SOX5: variants seen among roughly 807,000 people sequenced by gnomAD.
SOX5 encodes SRY-box transcription factor 5, also known as transcription factor SOX-5.
In SOX5, 9 loss-of-function variants were observed where a neutral mutation model predicts 92.0. The observed-to-expected ratio is 0.10, with a 90% CI of 0.06 to 0.17. The LOEUF (loss-of-function observed/expected upper bound fraction) is 0.17. Ranked by LOEUF, SOX5 falls within the 10% of genes least tolerant of loss-of-function variation. SOX5 has a pLI of 1.00. For missense variants in SOX5, 642 were observed against 944.5 expected (o/e 0.68, Z 4.20); for synonymous variants, 344 against 336.3 (o/e 1.02, Z -0.25).
At chr12:23,841,840 T>G (rs1038347638) in intron 3 of SOX5, among the ~76,000 whole-genome samples, 12 of 152,112 alleles carry the variant, frequency 7.9e-5, no homozygotes, top group African/African-American at 2.7e-4. Flanking sequence ...GTGAAGGCTA[T>G]TCTACATGAT....
chr12:23,859,755 G>A (rs189113146), intron 2 of SOX5, among the ~76,000 whole-genome samples: 25 of 152,242 alleles, frequency 1.6e-4, no homozygotes, highest in Admixed American at 1.2e-3. Context: ...CCTGGAGGCC[G>A]AGCTGTAAAA....
chr12:23,589,992 ATG>A (rs953767680), intron 9 of SOX5, among the ~76,000 whole-genome samples: 1 of 150,254 alleles, frequency 6.7e-6, no homozygotes, highest in Non-Finnish European at 1.5e-5. Flanking sequence ...TTCAAGGAGT[ATG>A]TGTTTGTGCA....
chr12:23,681,800 G>A (rs2086669612), intron 6 of SOX5, among the ~76,000 whole-genome samples: 1 of 151,618 alleles, frequency 6.6e-6, no homozygotes, highest in African/African-American at 2.4e-5. Flanking sequence ...AATTATAATT[G>A]TATATTTTAA....
intron 2 of SOX5, among the ~76,000 whole-genome samples, chr12:24,284,218 C>T (rs1367368776): frequency 2.0e-5 from 3 of 152,160 alleles, no homozygotes; most frequent in Non-Finnish European, 4.4e-5. Context: ...GAGCCACTGC[C>T]TCATTTGCCC....
chr12:24,152,770 T>C (rs527883932), intron 4 of SOX5, among the ~76,000 whole-genome samples: 1 of 152,212 alleles, frequency 6.6e-6, no homozygotes, highest in East Asian at 1.9e-4. Context: ...TATTGTTTTA[T>C]TTGATAAGAC....
At chr12:23,834,287 C>T (rs1383965974) in intron 3 of SOX5, among the ~76,000 whole-genome samples, 2 of 151,834 alleles carry the variant, frequency 1.3e-5, no homozygotes, top group African/African-American at 2.4e-5. Flanking sequence ...ACAACATGTA[C>T]TTTGAAGAGT....
At position 24,418,613 on chromosome 12, in the gene SOX5, T is replaced by C. The variant is rs545910315; in HGVS notation, c.-250-49974A>G. ...GCTGATATACAGAGGAGAACAGAAA[T>C]TAGGAATTGCAGAGATAAGGAGCTG... On this transcript the variant is annotated intron_variant, in intron 1 of 4. Transcript: ENST00000446891. Among the ~76,000 whole-genome samples, 7 of 152,282 alleles carry C rather than the reference T, an allele frequency of 4.6e-5. No homozygotes were observed. The South Asian group carries it at 1.5e-3, about 32-fold the overall frequency.
At chr12:23,902,846 G>A (rs1431556288) in intron 1 of SOX5, among the ~76,000 whole-genome samples, 1 of 152,066 alleles carries the variant, frequency 6.6e-6, no homozygotes, top group African/African-American at 2.4e-5. Context: ...TACACCAAAT[G>A]AGACACAATT....
At chr12:24,394,932 T>C (rs1202279203) in intron 1 of SOX5, among the ~76,000 whole-genome samples, 2 of 152,190 alleles carry the variant, frequency 1.3e-5, no homozygotes, top group Non-Finnish European at 2.9e-5. Flanking sequence ...TTTCACTACA[T>C]GGTAGGCTTC....
intron 2 of SOX5, among the ~76,000 whole-genome samples, chr12:23,852,775 A>G (rs962450793): frequency 6.6e-6 from 1 of 152,106 alleles, no homozygotes; most frequent in African/African-American, 2.4e-5. Flanking sequence ...TGTCATTGGC[A>G]TCACCGGGGA....
At chr12:24,140,002 G>C (rs1950432863) in intron 4 of SOX5, among the ~76,000 whole-genome samples, 1 of 151,970 alleles carries the variant, frequency 6.6e-6, no homozygotes, top group East Asian at 1.9e-4. Context: ...CACTTATCAG[G>C]GTTTGTTTGT....
intron 1 of SOX5, among the ~76,000 whole-genome samples, chr12:24,391,394 A>G (rs549226407): frequency 6.6e-6 from 1 of 152,324 alleles, no homozygotes; most frequent in East Asian, 1.9e-4. Context: ...AAGTACATGT[A>G]TAGGTACATG....
At chr12:23,830,218 A>G (rs925078937) in intron 3 of SOX5, among the ~76,000 whole-genome samples, 1 of 152,154 alleles carries the variant, frequency 6.6e-6, no homozygotes, top group Non-Finnish European at 1.5e-5. Context: ...GCTCTACAGC[A>G]TTTGAGGGTG....
intron 2 of SOX5, among the ~76,000 whole-genome samples, chr12:24,301,704 T>C (rs1026640025): frequency 3.3e-5 from 5 of 152,208 alleles, no homozygotes; most frequent in Admixed American, 3.3e-4. Flanking sequence ...TGTAATTTTT[T>C]AAACCAGCAT....
intron 13 of SOX5, among the ~76,000 whole-genome samples, chr12:23,540,174 G>T (rs1941640174): frequency 6.6e-6 from 1 of 151,608 alleles, no homozygotes. Context: ...TGTACAGGGA[G>T]TTTATTCATT....
At chr12:24,047,441 T>C (rs1191255306) in intron 4 of SOX5, among the ~76,000 whole-genome samples, 1 of 152,224 alleles carries the variant, frequency 6.6e-6, no homozygotes. Flanking sequence ...GATGAAATGA[T>C]GAAATTCCCT....
chr12:24,369,528 G>T (rs1956510705), intron 1 of SOX5, among the ~76,000 whole-genome samples: 1 of 152,198 alleles, frequency 6.6e-6, no homozygotes, highest in Non-Finnish European at 1.5e-5. Flanking sequence ...CCTGGAAAGT[G>T]ACATATCCTG....
chr12:24,413,444 C>T (rs1313269699), intron 1 of SOX5, among the ~76,000 whole-genome samples: 1 of 152,176 alleles, frequency 6.6e-6, no homozygotes, highest in East Asian at 1.9e-4. Flanking sequence ...CACATTGTTA[C>T]ACAAGGCCAC....
In SOX5 at chr12:24,115,531, C is replaced by A. The variant is rs1246354331; in HGVS notation, c.-2+97812G>T. On this transcript the variant is annotated intron_variant, in intron 4 of 4. Coordinates refer to the SOX5 transcript ENST00000446891. Reference sequence around the variant, plus strand: ...CAAAGGAGACTCCAGAAATGGGAGACCCCAAGGAGGGAAAACAACAGCCCT... The same window carrying A: ...CAAAGGAGACTCCAGAAATGGGAGAACCCAAGGAGGGAAAACAACAGCCCT... 2.2e-4 allele frequency among the ~76,000 whole-genome samples: 33 copies of A among 152,072 alleles called. 1 individual carries two copies. The highest frequency in any genetic ancestry group is 4.6e-4 in the Non-Finnish European group (31 of 68,012).
Sources: gnomAD v4.1 joint callset for allele counts (sites outside exome capture counted in the v4.1 genomes callset) on GRCh38, gnomAD v4.1.1 for gene constraint, MANE v1.5 for transcripts, NCBI Gene and HGNC (gene_info 2026-07-23, HGNC 2026-07-21) for gene names.